The following GPBP1 variants were observed in gnomAD, a reference collection of about 807,000 sequenced individuals.
GPBP1 encodes GC-rich promoter binding protein 1.
GPBP1 carries 13 observed loss-of-function variants against 56.5 expected under a neutral mutation model. The observed-to-expected ratio is 0.23, with a 90% CI of 0.15 to 0.37. GPBP1 has a LOEUF of 0.37. Ranked by LOEUF, GPBP1 falls within the 10% of genes least tolerant of loss-of-function variation. The probability of loss-of-function intolerance (pLI) is 1.00; values close to 1 mark genes in which losing one functional copy is unlikely to be tolerated. For synonymous variants in GPBP1, 204 were observed against 188.9 expected, an observed-to-expected ratio of 1.08 and a Z score of -0.66; for missense variants, 477 against 572.3, an observed-to-expected ratio of 0.83 and a Z score of 1.70.
chr5:57,183,778 T>TG (rs1196345587), intron 2 of GPBP1, among the ~76,000 whole-genome samples: 2 of 150,490 alleles, frequency 1.3e-5, no homozygotes, highest in African/African-American at 4.9e-5. Context: ...TTTTTTTTTT[T>TG]TTTTTGTTTT....
intron 3 of GPBP1, chr5:57,221,499 C>T: frequency 2.8e-6 from 2 of 726,778 alleles, no homozygotes; most frequent in Middle Eastern, 2.8e-4. Flanking sequence ...TCCCTGTAAA[C>T]AGGATGCTGT....
intron 2 of GPBP1, among the ~76,000 whole-genome samples, chr5:57,187,164 T>G (rs1269648821): frequency 6.6e-6 from 1 of 152,072 alleles, no homozygotes; most frequent in African/African-American, 2.4e-5. Context: ...TATAGGAAAT[T>G]TGGAGCAACA....
chr5:57,259,225 T>G (rs753834741), intron 10 of GPBP1, among the ~76,000 whole-genome samples: 1 of 152,244 alleles, frequency 6.6e-6, no homozygotes, highest in African/African-American at 2.4e-5. Context: ...TCTATTTGTC[T>G]TTGCCATCAA....
intron 2 of GPBP1, among the ~76,000 whole-genome samples, chr5:57,196,215 T>G (rs1332315470): frequency 1.3e-5 from 2 of 152,098 alleles, no homozygotes; most frequent in African/African-American, 4.8e-5. Flanking sequence ...TTGGCCAGGC[T>G]GGTCTCGAAG....
In GPBP1 at chr5:57,251,078, T is replaced by C; in HGVS notation, c.1097T>C (p.Ile366Thr). 2 of 1,613,414 alleles carry C rather than the reference T, an allele frequency of 1.2e-6. No homozygotes were observed. The highest frequency in any genetic ancestry group is 4.5e-5 in the East Asian group (2 of 44,840). The change falls in exon 10 of 12, where the codon ATC becomes ACC. Residue 366 changes from isoleucine (I) to threonine (T), a missense_variant. Around this residue, in one of 2 missense-constraint regions of GPBP1, gnomAD observed 414 missense variants for 458.2 expected, o/e 0.90. Transcript: ENST00000506184. ...AATGCCTCAGTGATTTCCCAGCAGATCATTCGGTCTTCAACCTTCCCACAA... is the reference window on the plus strand; with the variant it reads ...AATGCCTCAGTGATTTCCCAGCAGACCATTCGGTCTTCAACCTTCCCACAA... ...NGNASVISQQ[I>T]IRSSTFPQTD...
chr5:57,195,542 C>T (rs1202446257), intron 2 of GPBP1, among the ~76,000 whole-genome samples: 2 of 151,834 alleles, frequency 1.3e-5, no homozygotes, highest in Non-Finnish European at 2.9e-5. Flanking sequence ...TTGTAGTTAG[C>T]GAAGTTGTAG....
intron 10 of GPBP1, among the ~76,000 whole-genome samples, chr5:57,253,029 A>T (rs1332483190): frequency 6.6e-6 from 1 of 152,176 alleles, no homozygotes; most frequent in East Asian, 1.9e-4. Context: ...TTTTAACAGC[A>T]CTTTTTGCTT....
At chr5:57,204,975 A>G (rs1755168499) in intron 2 of GPBP1, among the ~76,000 whole-genome samples, 1 of 152,228 alleles carries the variant, frequency 6.6e-6, no homozygotes, top group African/African-American at 2.4e-5. Context: ...AACATCACAT[A>G]AAGTTAATCA....
chr5:57,215,922 G>A (rs1285292510), intron 3 of GPBP1, among the ~76,000 whole-genome samples: 3 of 151,710 alleles, frequency 2.0e-5, no homozygotes, highest in Non-Finnish European at 4.4e-5. Flanking sequence ...GTTTCTGAGA[G>A]GGCTGTTAGT....
chr5:57,208,534 G>A lies in GPBP1; in HGVS notation c.-57-5540G>A, dbSNP rs558197978. On this transcript the variant is annotated intron_variant, in intron 2 of 11. Coordinates refer to ENST00000506184, the MANE Select transcript of GPBP1 (RefSeq NM_022913.4). Reference sequence around the variant, plus strand: ...AGGCGTGAACCACTGTAGCCTGGCCGGGTGTTGGAATTTTAATAGAGATTA... The same window carrying A: ...AGGCGTGAACCACTGTAGCCTGGCCAGGTGTTGGAATTTTAATAGAGATTA... Among the ~76,000 whole-genome samples the A allele has an allele frequency of 1.3e-4, 20 of 152,144 alleles. No individual in the cohort carries two copies. The South Asian group carries it at 3.9e-3, about 30-fold the overall frequency.
intron 3 of GPBP1, chr5:57,221,402 T>A: frequency 6.6e-7 from 1 of 1,506,646 alleles, no homozygotes; most frequent in South Asian, 1.2e-5. Flanking sequence ...TGAAAGTAAG[T>A]ATTACTGAAA....
intron 10 of GPBP1, among the ~76,000 whole-genome samples, chr5:57,259,116 A>G (rs1363271850): frequency 1.3e-5 from 2 of 152,258 alleles, no homozygotes; most frequent in Non-Finnish European, 2.9e-5. Flanking sequence ...GCTAAAAGGA[A>G]TGAAAGAAGA....
chr5:57,182,362 C>T (rs972949949), intron 2 of GPBP1, among the ~76,000 whole-genome samples: 4 of 147,072 alleles, frequency 2.7e-5, no homozygotes, highest in Admixed American at 1.4e-4. Flanking sequence ...GGGATTATAG[C>T]CATGAGCTTC....
chr5:57,202,054 AGCGATCATT>A (rs928552779), intron 2 of GPBP1, among the ~76,000 whole-genome samples: 1 of 152,000 alleles, frequency 6.6e-6, no homozygotes, highest in African/African-American at 2.4e-5. Context: ...AGTGTAATGG[AGCGATCATT>A]GCTCACTGTA....
chr5:57,174,670 G>A (rs1257801989), intron 1 of GPBP1, among the ~76,000 whole-genome samples: 1 of 152,236 alleles, frequency 6.6e-6, no homozygotes, highest in Non-Finnish European at 1.5e-5. Flanking sequence ...TCCCAGGTCC[G>A]TGGCACTTGC....
At chr5:57,207,658 C>T (rs568854444) in intron 2 of GPBP1, among the ~76,000 whole-genome samples, 7 of 152,268 alleles carry the variant, frequency 4.6e-5, no homozygotes, top group South Asian at 2.1e-4. Flanking sequence ...TCAGATCACA[C>T]GTGGGCTTGG....
chr5:57,236,963 C>T (rs1364015711), intron 6 of GPBP1: 6 of 598,370 alleles, frequency 1.0e-5, no homozygotes, highest in East Asian at 5.7e-5. Flanking sequence ...AGGTGAAACT[C>T]GGGAATTATT....
intron 1 of GPBP1, among the ~76,000 whole-genome samples, chr5:57,174,443 TG>T (rs769082557): frequency 2.9e-4 from 41 of 141,736 alleles, no homozygotes; most frequent in Non-Finnish European, 5.5e-4. Context: ...GAGGAGGGGG[TG>T]GGTGGTTTAG....
chr5:57,236,335 T>C (rs917874486), intron 6 of GPBP1, among the ~76,000 whole-genome samples: 3 of 152,196 alleles, frequency 2.0e-5, no homozygotes, highest in Non-Finnish European at 4.4e-5. Flanking sequence ...AGCTGGATAA[T>C]GTAAAGAAAC....
Sources: gnomAD v4.1 joint callset for allele counts (sites outside exome capture counted in the v4.1 genomes callset) on GRCh38, gnomAD v4.1.1 for gene constraint, gnomAD v4.1.1 regional missense constraint, MANE v1.5 for transcripts, NCBI Gene and HGNC (gene_info 2026-07-23, HGNC 2026-07-21) for gene names.